The following ZMYND8 variants were observed in gnomAD, a reference collection of about 807,000 sequenced individuals.
The protein encoded by ZMYND8 is MYND-type zinc finger-containing chromatin reader ZMYND8.
A neutral mutation model predicts 140.8 loss-of-function variants in ZMYND8; 37 were observed. The observed-to-expected ratio is 0.26, with a 90% confidence interval of 0.20 to 0.35. The LOEUF (loss-of-function observed/expected upper bound fraction) is 0.35, where lower values mean the gene tolerates loss of function less well. ZMYND8 is among the 10% of genes least tolerant of loss of function. The probability of loss-of-function intolerance (pLI) is 1.00; values close to 1 mark genes in which losing one functional copy is unlikely to be tolerated. For missense variants in ZMYND8, 1,068 were observed against 1,570.0 expected (o/e 0.68, Z 5.40); for synonymous variants, 592 against 597.1 (o/e 0.99, Z 0.12).
chr20:47,309,641 G>A (rs1449722208), intron 3 of ZMYND8, among the ~76,000 whole-genome samples: 1 of 152,008 alleles, frequency 6.6e-6, no homozygotes, highest in Non-Finnish European at 1.5e-5. Context: ...AGAAAACTGA[G>A]GCCAGAAGGG....
In ZMYND8 at chr20:47,340,066, C is replaced by T. The variant is rs189522736; in HGVS notation, c.85+7790G>A. 2.1e-3 allele frequency among the ~76,000 whole-genome samples: 316 copies of T among 151,736 alleles called. 3 individuals carry two copies. Among genetic ancestry groups the T allele is most frequent in the African/African-American group, 7.2e-3 (297 of 41,078 alleles). On this transcript the variant is annotated intron_variant, in intron 2 of 22. Transcript: ENST00000471951. ...CCAGCGATTCCCCTGCCTCAGCCTC[C>T]TGAGTAGCTGAGATTACAGGTGCCT...
At chr20:47,257,641 C>T (rs2074848906) in intron 12 of ZMYND8, among the ~76,000 whole-genome samples, 3 of 152,072 alleles carry the variant, frequency 2.0e-5, no homozygotes, top group African/African-American at 7.2e-5. Flanking sequence ...CATATACACA[C>T]ATACATATAC....
chr20:47,348,430 A>T (rs1004628182), intron 1 of ZMYND8: 1 of 173,554 alleles, frequency 5.8e-6, no homozygotes, highest in African/African-American at 2.4e-5. Context: ...TACAGGTTAA[A>T]TTACAAAGCA....
intron 4 of ZMYND8, among the ~76,000 whole-genome samples, chr20:47,297,145 A>G (rs2077691397): frequency 6.6e-6 from 1 of 152,108 alleles, no homozygotes; most frequent in Non-Finnish European, 1.5e-5. Context: ...CCGCTGTACA[A>G]TGCAAACCCT....
At chr20:47,220,869 A>G (rs1310721306) in intron 20 of ZMYND8, among the ~76,000 whole-genome samples, 1 of 152,206 alleles carries the variant, frequency 6.6e-6, no homozygotes, top group Non-Finnish European at 1.5e-5. Context: ...GCAAACAAAC[A>G]AGGAGGTGAA....
chr20:47,333,962 A>C (rs2081184902), intron 2 of ZMYND8, among the ~76,000 whole-genome samples: 1 of 151,994 alleles, frequency 6.6e-6, no homozygotes, highest in South Asian at 2.1e-4. Context: ...GGAATGAATA[A>C]ATGAATAAAT....
intron 2 of ZMYND8, among the ~76,000 whole-genome samples, chr20:47,342,079 G>A (rs1343172126): frequency 6.6e-6 from 1 of 152,044 alleles, no homozygotes; most frequent in Non-Finnish European, 1.5e-5. Context: ...GGCTGAGGCA[G>A]GAGAATCATT....
chr20:47,232,467 G>T (rs940378024), intron 16 of ZMYND8, among the ~76,000 whole-genome samples: 26 of 152,140 alleles, frequency 1.7e-4, no homozygotes, highest in African/African-American at 6.3e-4. Context: ...GCCAAGGTGG[G>T]AGGGTCGCTT....
At chr20:47,345,230 C>T (rs1465802306) in intron 2 of ZMYND8, among the ~76,000 whole-genome samples, 2 of 152,092 alleles carry the variant, frequency 1.3e-5, no homozygotes, top group Non-Finnish European at 2.9e-5. Flanking sequence ...TGAGGAGCCA[C>T]CATCTGAGAT....
chr20:47,243,533 G>A (rs2040210714), intron 14 of ZMYND8, among the ~76,000 whole-genome samples: 1 of 152,140 alleles, frequency 6.6e-6, no homozygotes, highest in Non-Finnish European at 1.5e-5. Context: ...GATCTTCTAA[G>A]GTACTGTGTT....
In ZMYND8 at chr20:47,313,629, A is replaced by T. The variant is rs575531167; in HGVS notation, c.86-3425T>A. Among the ~76,000 whole-genome samples the T allele has an allele frequency of 3.3e-5, 5 of 150,428 alleles. No homozygotes were observed. The South Asian group carries it at 6.3e-4, about 19-fold the overall frequency. On this transcript the variant is annotated intron_variant, in intron 2 of 22. Transcript: ENST00000471951. ...AGAGGGGTGAGACTCCATCTCAAAA[A>T]AATAATAATAATAATAATTAGGCTG... is the stretch of plus-strand genomic sequence containing the variant.
intron 12 of ZMYND8, among the ~76,000 whole-genome samples, chr20:47,254,177 T>C (rs1221547490): frequency 6.6e-6 from 1 of 152,246 alleles, no homozygotes; most frequent in Non-Finnish European, 1.5e-5. Context: ...TTTGAACTTT[T>C]CAGCTGATAT....
intron 14 of ZMYND8, among the ~76,000 whole-genome samples, chr20:47,239,550 A>G (rs2039687678): frequency 1.3e-5 from 2 of 152,246 alleles, no homozygotes; most frequent in African/African-American, 4.8e-5. Flanking sequence ...GCGGAAGTCA[A>G]TCCAGACAGG....
In ZMYND8 at chr20:47,238,999, C is replaced by T; in HGVS notation, c.2424G>A (p.Thr808=). ...TTSTSSTVTV[T]APAPAATGSP... is the part of the protein sequence containing the mutation. ...TTCCTGTGGCGGCGGGGGCCGGGGCCGTGACGGTGACCGTGGAGGACGTGC... is the reference window on the plus strand; with the variant it reads ...TTCCTGTGGCGGCGGGGGCCGGGGCTGTGACGGTGACCGTGGAGGACGTGC... The change falls in exon 15 of 23, where the codon ACG becomes ACA. Residue 808 remains threonine (T), a synonymous_variant. Coordinates refer to ENST00000471951, the MANE Select transcript of ZMYND8 (RefSeq NM_001281775.3). 1 of 1,607,922 alleles carries T rather than the reference C, an allele frequency of 6.2e-7. No individual in the cohort carries two copies. The highest frequency in any genetic ancestry group is 8.5e-7 in the Non-Finnish European group (1 of 1,175,246).
chr20:47,312,341 G>A (rs2079002549), intron 2 of ZMYND8, among the ~76,000 whole-genome samples: 1 of 152,186 alleles, frequency 6.6e-6, no homozygotes, highest in Non-Finnish European at 1.5e-5. Context: ...CAATCTACAG[G>A]ATGGAACTCT....
chr20:47,251,325 A>ACACCTCTCCCAG (rs370583816), intron 12 of ZMYND8, among the ~76,000 whole-genome samples: 148 of 152,094 alleles, frequency 9.7e-4, no homozygotes, highest in African/African-American at 3.5e-3. Context: ...ACAGTGATTC[A>ACACCTCTCCCAG]CACCTCTCCC....
At chr20:47,220,380 C>T (rs1158948312) in intron 20 of ZMYND8, 56 bp from the exon 21 acceptor site, 64 of 1,422,670 alleles carry the variant, frequency 4.5e-5, no homozygotes, top group Non-Finnish European at 5.8e-5. Context: ...CTGTCGCCCC[C>T]ACAGGGAAAT....
chr20:47,345,581 C>T (rs1265274348), intron 2 of ZMYND8, among the ~76,000 whole-genome samples: 1 of 151,162 alleles, frequency 6.6e-6, no homozygotes, highest in East Asian at 1.9e-4. Flanking sequence ...GGTCTTGGCT[C>T]ACTGCAACCT....
intron 12 of ZMYND8, among the ~76,000 whole-genome samples, chr20:47,255,746 A>ATTTG (rs1555925259): frequency 1.1e-5 from 1 of 91,922 alleles, no homozygotes; most frequent in Non-Finnish European, 2.0e-5. Flanking sequence ...ATATATATAT[A>ATTTG]TATATATATA....
Sources: gnomAD v4.1 joint callset for allele counts (sites outside exome capture counted in the v4.1 genomes callset) on GRCh38, gnomAD v4.1.1 for gene constraint, MANE v1.5 for transcripts, NCBI Gene and HGNC (gene_info 2026-07-23, HGNC 2026-07-21) for gene names.